The following CDK14 variants were observed in gnomAD, a reference collection of about 807,000 sequenced individuals.
CDK14 encodes cyclin dependent kinase 14, also known as cyclin-dependent kinase 14.
In CDK14, 34 loss-of-function variants were observed where a neutral mutation model predicts 60.7. The ratio of observed to expected loss-of-function variants is 0.56; its 90% CI spans 0.43 to 0.75. The LOEUF (loss-of-function observed/expected upper bound fraction) is 0.75. Ranked by LOEUF, CDK14 falls within the 30% of genes least tolerant of loss-of-function variation. CDK14 has a pLI of 0.00. For missense variants in CDK14, 482 were observed against 564.1 expected, an observed-to-expected ratio of 0.85 and a Z score of 1.47; for synonymous variants, 197 against 203.7, an observed-to-expected ratio of 0.97 and a Z score of 0.28.
chr7:90,750,153 AACACACACACACACACACACAC>A (rs3138824), intron 4 of CDK14, among the ~76,000 whole-genome samples: 52 of 131,416 alleles, frequency 4.0e-4, no homozygotes, highest in South Asian at 3.6e-3. Context: ...GGGGAAAGAA[AACACACACACACACACACACAC>A]ACACACACAC....
chr7:90,668,014 A>G (rs918905804), intron 2 of CDK14, among the ~76,000 whole-genome samples: 1 of 152,142 alleles, frequency 6.6e-6, no homozygotes, highest in Non-Finnish European at 1.5e-5. Context: ...ACAAGTTTTC[A>G]TGTTGATGTA....
intron 5 of CDK14, among the ~76,000 whole-genome samples, chr7:90,833,127 C>G (rs562426766): frequency 6.6e-5 from 10 of 152,186 alleles, no homozygotes; most frequent in Non-Finnish European, 1.0e-4. Context: ...TTTCCACTTC[C>G]TGTCTCATGA....
At chr7:91,073,315 G>A (rs1798208511) in intron 11 of CDK14, among the ~76,000 whole-genome samples, 1 of 152,180 alleles carries the variant, frequency 6.6e-6, no homozygotes, top group South Asian at 2.1e-4. Flanking sequence ...TCTCTCAGCA[G>A]AAACCCTGCA....
At chr7:90,604,486 A>G in intron 2 of CDK14, among the ~76,000 whole-genome samples, 1 of 152,234 alleles carries the variant, frequency 6.6e-6, no homozygotes, top group East Asian at 1.9e-4. Flanking sequence ...TAGAAGACAC[A>G]TGCAGGCCTT....
At chr7:91,059,110 A>G (rs1017154650) in intron 11 of CDK14, among the ~76,000 whole-genome samples, 17 of 152,206 alleles carry the variant, frequency 1.1e-4, no homozygotes, top group South Asian at 6.2e-4. Flanking sequence ...CAGAGATTCA[A>G]CTTCTTCCTG....
At chr7:90,964,584 C>A (rs906096019) in intron 9 of CDK14, among the ~76,000 whole-genome samples, 1 of 152,162 alleles carries the variant, frequency 6.6e-6, no homozygotes. Flanking sequence ...TCCTATTTAC[C>A]AGAAGCAACT....
At chr7:90,813,659 G>T (rs531981153) in intron 5 of CDK14, among the ~76,000 whole-genome samples, 3 of 152,100 alleles carry the variant, frequency 2.0e-5, no homozygotes, top group South Asian at 2.1e-4. Flanking sequence ...TGAGACAGAA[G>T]AATTGCTTGA....
rs1373749681 is a variant in CDK14, at chr7:91,206,235, C to CA, written c.*29-923dup. ...GCAGGACAGGTGCACTGTGAAGTCT[C>CA]AAAAAAAGGACAAAACCTTTGGGAT... is the stretch of plus-strand genomic sequence containing the variant. On this transcript the variant is annotated intron_variant, in intron 14 of 14. Transcript: ENST00000380050. 2.6e-5 allele frequency among the ~76,000 whole-genome samples: 4 copies of CA among 152,146 alleles called. No homozygotes were observed. The East Asian group carries it at 5.8e-4, about 22-fold the overall frequency.
intron 12 of CDK14, among the ~76,000 whole-genome samples, chr7:91,083,743 C>A (rs1238581242): frequency 1.3e-5 from 2 of 152,116 alleles, no homozygotes; most frequent in African/African-American, 2.4e-5. Context: ...GAGATGCTTT[C>A]CAGGCCCTGG....
At chr7:91,008,842 T>G (rs1244423955) in intron 10 of CDK14, among the ~76,000 whole-genome samples, 1 of 152,186 alleles carries the variant, frequency 6.6e-6, no homozygotes, top group Admixed American at 6.5e-5. Context: ...TTTAAAAATT[T>G]TAATTACTTT....
At chr7:90,935,540 G>A (rs970461830) in intron 8 of CDK14, among the ~76,000 whole-genome samples, 13 of 152,148 alleles carry the variant, frequency 8.5e-5, no homozygotes, top group Non-Finnish European at 1.6e-4. Flanking sequence ...GAGAACTCTT[G>A]AAACATTTGC....
At chr7:90,875,982 G>A (rs759041455) in intron 6 of CDK14, among the ~76,000 whole-genome samples, 1 of 151,914 alleles carries the variant, frequency 6.6e-6, no homozygotes, top group Non-Finnish European at 1.5e-5. Flanking sequence ...AATAGCCTTT[G>A]TGAAGTTTTT....
At chr7:90,713,477 G>A (rs376606087) in intron 2 of CDK14, among the ~76,000 whole-genome samples, 5 of 151,854 alleles carry the variant, frequency 3.3e-5, no homozygotes, top group African/African-American at 1.2e-4. Flanking sequence ...CTGTTTTTCT[G>A]TTATGGCCTG....
intron 5 of CDK14, among the ~76,000 whole-genome samples, chr7:90,832,643 T>C (rs1316605028): frequency 6.6e-6 from 1 of 152,118 alleles, no homozygotes; most frequent in East Asian, 1.9e-4. Context: ...AATGAACATA[T>C]TGTTAAATAT....
At position 90,596,621 on chromosome 7, in the gene CDK14, C is replaced by A. The variant is rs1483103415; in HGVS notation, c.-7C>A. ...TGGGGAAGTTGTCGGGGCTCCGCGT[C>A]GCCCAGATGTGTGACCTCATTGAGC... On this transcript the variant is annotated 5_prime_UTR_variant, in exon 1 of 15. Coordinates refer to ENST00000380050, the MANE Select transcript of CDK14 (RefSeq NM_001287135.2). 6.2e-7 allele frequency: 1 copy of A among 1,611,038 alleles called. No individual in the cohort carries two copies. The highest frequency in any genetic ancestry group is 8.5e-7 in the Non-Finnish European group (1 of 1,178,604).
intron 14 of CDK14, among the ~76,000 whole-genome samples, chr7:91,201,548 AAC>A (rs1802726806): frequency 6.6e-6 from 1 of 152,068 alleles, no homozygotes. Flanking sequence ...AAAACAACAA[AAC>A]ACAGTCAAAC....
intron 2 of CDK14, among the ~76,000 whole-genome samples, chr7:90,658,883 T>A (rs1800807336): frequency 6.6e-6 from 1 of 152,208 alleles, no homozygotes; most frequent in African/African-American, 2.4e-5. Flanking sequence ...GGGGGTAGTT[T>A]CTTTTTGATA....
At chr7:91,174,736 G>T (rs1236430523) in intron 14 of CDK14, among the ~76,000 whole-genome samples, 1 of 121,350 alleles carries the variant, frequency 8.2e-6, no homozygotes, top group East Asian at 2.2e-4. Flanking sequence ...ATGAAATGAA[G>T]TGAGAAGGGA....
intron 1 of CDK14, among the ~76,000 whole-genome samples, chr7:90,602,386 A>G (rs1799335342): frequency 1.3e-5 from 2 of 152,162 alleles, no homozygotes; most frequent in African/African-American, 4.8e-5. Context: ...CTTATTCCTA[A>G]AAGTTTAGTT....
Sources: gnomAD v4.1 joint callset for allele counts (sites outside exome capture counted in the v4.1 genomes callset) on GRCh38, gnomAD v4.1.1 for gene constraint, MANE v1.5 for transcripts, NCBI Gene and HGNC (gene_info 2026-07-23, HGNC 2026-07-21) for gene names.